The following FAAP100 variants were observed in gnomAD, a reference collection of about 807,000 sequenced individuals.
FAAP100 encodes Fanconi anemia core complex-associated protein 100.
In FAAP100, 46 loss-of-function variants were observed where a neutral mutation model predicts 65.8. The ratio of observed to expected loss-of-function variants is 0.70; its 90% CI spans 0.55 to 0.89. The LOEUF is 0.89. Among genes scored for constraint, FAAP100 ranks in the 40% least tolerant of loss-of-function variants. The pLI, the probability that FAAP100 is intolerant of heterozygous loss-of-function variation, is 0.00. For missense variants in FAAP100, 1,165 were observed against 1,196.7 expected (o/e 0.97, Z 0.39); for synonymous variants, 663 against 555.1 (o/e 1.19, Z -2.73).
At chr17:81,548,008 C>T (rs551142061) in intron 4 of FAAP100, 11 of 699,478 alleles carry the variant, frequency 1.6e-5, no homozygotes, top group East Asian at 8.1e-5. Context: ...ATCTGGGCCA[C>T]GCAGGGGCCG....
At chr17:81,551,785 G>T in intron 2 of FAAP100, 143 bp downstream of exon 2, 1 of 1,379,096 alleles carries the variant, frequency 7.3e-7, no homozygotes, top group Middle Eastern at 2.6e-4. Flanking sequence ...AGGGGCTCCA[G>T]ATAATCGGGC....
intron 7 of FAAP100, among the ~76,000 whole-genome samples, chr17:81,543,064 A>C (rs904150876): frequency 9.2e-5 from 14 of 152,204 alleles, no homozygotes; most frequent in Admixed American, 2.0e-4. Context: ...AGTGCAGGGC[A>C]CAGGGTCCTT....
chr17:81,551,920 GC>G lies in FAAP100; in HGVS notation c.290+7del. On this transcript the variant is annotated splice_region_variant and intron_variant, in intron 2 of 8. Transcript: ENST00000327787. ...TGTGCGGGAGGGAGGCCGCGGGCCCGCCCTCACCTGCTCCTGCCCGGGTGGT... is the reference window on the plus strand; with the variant it reads ...TGTGCGGGAGGGAGGCCGCGGGCCCGCCTCACCTGCTCCTGCCCGGGTGGT... 1 of 1,542,454 alleles carries G rather than the reference GC, an allele frequency of 6.5e-7. No homozygotes were observed. The highest frequency in any genetic ancestry group is 8.7e-7 in the Non-Finnish European group (1 of 1,153,866).
At chr17:81,544,790 G>A (rs11867347) in intron 6 of FAAP100, among the ~76,000 whole-genome samples, 2,775 of 152,324 alleles carry the variant, frequency 0.018, 89 homozygotes, top group African/African-American at 0.062. Context: ...CCGACCTGCC[G>A]GGCCACCAAC....
intron 7 of FAAP100, among the ~76,000 whole-genome samples, chr17:81,543,220 G>A (rs1042039103): frequency 1.3e-5 from 2 of 152,230 alleles, no homozygotes; most frequent in Non-Finnish European, 2.9e-5. Context: ...GCCCACGGGA[G>A]TCAAGCTGGC....
chr17:81,541,258 C>G (rs374838754), intron 8 of FAAP100, 51 bp downstream of exon 8: 81 of 1,530,866 alleles, frequency 5.3e-5, no homozygotes, highest in Admixed American at 2.4e-4. Context: ...TGGCGATGGG[C>G]GCTCCTGGCT....
chr17:81,552,254 G>T lies in FAAP100; in HGVS notation c.77C>A (p.Pro26His), dbSNP rs368773201. 5 of 1,482,014 alleles carry T rather than the reference G, an allele frequency of 3.4e-6. No individual in the cohort carries two copies. Among genetic ancestry groups the T allele is most frequent in the Non-Finnish European group, 4.5e-6 (5 of 1,123,504 alleles). The allele number at this position is 1,482,014 out of a possible 1,614,324, so 91.8% of individuals were successfully genotyped here. Residue 26 changes from proline (P) to histidine (H), a missense_variant, in exon 1 of 9, where the codon CCC becomes CAC. By Grantham distance (77) the Pro-to-His change is moderately conservative. Coordinates refer to ENST00000327787, the MANE Select transcript of FAAP100 (RefSeq NM_025161.6). The part of the protein sequence containing the change: ...CPLGGLAAGK[P>H]RVLCHEAEVF... ...CTCTGCCTCATGGCACAGCACGCGG[G>T]GCTTGCCCGCCGCCAGGCCCCCGAG...
rs1286548023 is a variant in FAAP100 at position 81,540,735 on chromosome 17, C to T, written c.*84G>A. ...CCTGACGGCTCTGGCCAGGCCAGCT[C>T]GGTTTCCCTCTAACCCATGAGGCCT... On this transcript the variant is annotated 3_prime_UTR_variant, in exon 9 of 9. Transcript: ENST00000327787. The T allele has an allele frequency of 1.1e-5, 15 of 1,407,912 alleles. No individual in the cohort carries two copies. The highest frequency in any genetic ancestry group is 3.1e-5 in the South Asian group (2 of 65,380). 87.2% of individuals were successfully genotyped at this position (1,407,912 alleles called of 1,614,324 possible). A position where few individuals can be genotyped will look rare whatever the true frequency, so the allele number is the denominator to read the frequency against.
intron 8 of FAAP100, 81 bp from the exon 9 acceptor site, chr17:81,541,031 C>A (rs1029592040): frequency 2.2e-5 from 32 of 1,452,290 alleles, no homozygotes; most frequent in Non-Finnish European, 2.8e-5. Flanking sequence ...ACCCACCACT[C>A]GCAGGACCCT....
rs771699919 is a variant in FAAP100 at position 81,544,013 on chromosome 17, C to T, written c.2418G>A (p.Gly806=). Reference sequence around the variant, plus strand: ...CAGCGGGCCGACATACCTGCATGCGCCCGACAACGGCATGGTGCGCCCTGC... The same window carrying T: ...CAGCGGGCCGACATACCTGCATGCGTCCGACAACGGCATGGTGCGCCCTGC... The part of the protein sequence containing the change: ...DICRAHHAVV[G]RMQTMVTEQA... The change falls in exon 7 of 9, where the codon GGG becomes GGA. Residue 806 remains glycine (G), a synonymous_variant. Transcript: ENST00000327787. 6.2e-7 allele frequency: 1 copy of T among 1,612,010 alleles called. No homozygotes were observed. The highest frequency in any genetic ancestry group is 1.7e-5 in the Admixed American group (1 of 59,966).
At chr17:81,546,289 G>C (rs533411937) in intron 5 of FAAP100, 95 of 188,748 alleles carry the variant, frequency 5.0e-4, no homozygotes, top group African/African-American at 2.2e-3. Flanking sequence ...CCCATCTGCA[G>C]CAGAACGGTG....
chr17:81,548,986 G>A (rs1372743729), intron 4 of FAAP100, among the ~76,000 whole-genome samples: 19 of 143,640 alleles, frequency 1.3e-4, no homozygotes, highest in African/African-American at 5.0e-4. Flanking sequence ...CTTGCAGTGA[G>A]CCGAGATCAC....
chr17:81,540,946 A>G lies in FAAP100; in HGVS notation c.2519T>C (p.Leu840Pro). Residue 840 changes from leucine (L) to proline (P), a missense_variant, in exon 9 of 9, where the codon CTG (leucine) becomes CCG (proline). Leu to Pro is a moderately conservative substitution (Grantham distance 98). Coordinates refer to ENST00000327787, the MANE Select transcript of FAAP100 (RefSeq NM_025161.6). ...LRQIHANHET[L>P]LREVQTLRDR... Reference sequence around the variant, plus strand: ...GCGCAGGGTCTGCACCTCCCGCAGCAGTGTCTGCAGGTGAAGCAGACACAG... The same window carrying G: ...GCGCAGGGTCTGCACCTCCCGCAGCGGTGTCTGCAGGTGAAGCAGACACAG... The G allele has an allele frequency of 6.3e-7, 1 of 1,583,914 alleles. No individual in the cohort carries two copies. Among genetic ancestry groups the G allele is most frequent in the Non-Finnish European group, 8.6e-7 (1 of 1,168,292 alleles).
At chr17:81,548,001 T>C in intron 4 of FAAP100, 2 of 700,536 alleles carry the variant, frequency 2.9e-6, no homozygotes, top group Non-Finnish European at 5.2e-6. Context: ...CACCCACATC[T>C]GGGCCACGCA....
intron 2 of FAAP100, 106 bp from the exon 3 acceptor site, chr17:81,551,309 G>T: frequency 8.7e-7 from 1 of 1,154,718 alleles, no homozygotes; most frequent in South Asian, 1.7e-5. Context: ...TTCCCGCAGT[G>T]ACCCCCAAGG....
At position 81,547,483 on chromosome 17, in the gene FAAP100, G is replaced by A. The variant is rs542919699; in HGVS notation, c.1599C>T (p.Ser533=). The A allele has an allele frequency of 2.5e-6, 4 of 1,613,340 alleles. No individual in the cohort carries two copies. The South Asian group carries it at 4.4e-5, about 18-fold the overall frequency. ...LMATCVLENS[S]SFSLDQGWTL... is the part of the protein sequence containing the mutation. ...TCCACCCCTGGTCCAGGCTGAAGCT[G>A]CTGCTGTTCTCTAGCACGCAGGTGG... The change falls in exon 5 of 9, where the codon AGC becomes AGT. Residue 533 remains serine, a synonymous_variant. Transcript: ENST00000327787.
In FAAP100 at chr17:81,540,633, C is replaced by A; in HGVS notation, c.*186G>T. ...AGAGCCCGCCTCGGTTGCTCCCAAT[C>A]AGAATCTGCTTTGTGCTCCACGGCC... On this transcript the variant is annotated 3_prime_UTR_variant, in exon 9 of 9. Transcript: ENST00000327787. 1 of 779,342 alleles carries A rather than the reference C, an allele frequency of 1.3e-6. No individual in the cohort carries two copies. Among genetic ancestry groups the A allele is most frequent in the South Asian group, 3.1e-5 (1 of 32,176 alleles). 48.3% of individuals were successfully genotyped at this position (779,342 alleles called of 1,614,324 possible). A position where few individuals can be genotyped will look rare whatever the true frequency, so the allele number is the denominator to read the frequency against.
chr17:81,549,446 G>A, intron 3 of FAAP100, 84 bp from the exon 4 acceptor site: 1 of 1,499,024 alleles, frequency 6.7e-7, no homozygotes, highest in Non-Finnish European at 8.9e-7. Flanking sequence ...CTGGACTCCA[G>A]GAAAGAAGTT....
Position 81,552,266 on chromosome 17 carries a change from G to T in FAAP100, c.65C>A (p.Ala22Glu), listed in dbSNP as rs1160847589. The change falls in exon 1 of 9, where the codon GCG becomes GAG. Residue 22 changes from alanine (A) to glutamate (E), a missense_variant. By Grantham distance (107) the Ala-to-Glu change is moderately radical. Transcript: ENST00000327787. Reference protein sequence around the residue: ...AGFCCPLGGLAAGKPRVLCHE... With the variant: ...AGFCCPLGGLEAGKPRVLCHE... Reference sequence around the variant, plus strand: ...GCACAGCACGCGGGGCTTGCCCGCCGCCAGGCCCCCGAGAGGGCAGCAGAA... The same window carrying T: ...GCACAGCACGCGGGGCTTGCCCGCCTCCAGGCCCCCGAGAGGGCAGCAGAA... 11 of 1,478,286 alleles carry T rather than the reference G, an allele frequency of 7.4e-6. No individual in the cohort carries two copies. The highest frequency in any genetic ancestry group is 8.9e-6 in the Non-Finnish European group (10 of 1,121,740). 91.6% of individuals were successfully genotyped at this position (1,478,286 alleles called of 1,614,324 possible).
Sources: gnomAD v4.1 joint callset for allele counts (sites outside exome capture counted in the v4.1 genomes callset) on GRCh38, gnomAD v4.1.1 for gene constraint, MANE v1.5 for transcripts, NCBI Gene and HGNC (gene_info 2026-07-23, HGNC 2026-07-21) for gene names.